ZPLD1: variants seen among roughly 807,000 people sequenced by gnomAD.
The protein encoded by ZPLD1 is zona pellucida-like domain-containing protein 1.
Under a neutral mutation model 47.2 loss-of-function variants are expected in ZPLD1, and 34 were observed. The ratio of observed to expected loss-of-function variants is 0.72; its 90% CI spans 0.55 to 0.96. ZPLD1 has a LOEUF of 0.96. ZPLD1 is among the 40% of genes least tolerant of loss of function. ZPLD1 has a pLI of 0.00. For synonymous variants in ZPLD1, 176 were observed against 186.2 expected, an observed-to-expected ratio of 0.95 and a Z score of 0.45; for missense variants, 512 against 505.8, an observed-to-expected ratio of 1.01 and a Z score of -0.12.
At chr3:102,459,815 G>T (rs1707478715) in intron 6 of ZPLD1, among the ~76,000 whole-genome samples, 1 of 151,942 alleles carries the variant, frequency 6.6e-6, no homozygotes, top group Non-Finnish European at 1.5e-5. Flanking sequence ...TGAAACATTT[G>T]TTACAATTAA....
intron 4 of ZPLD1, among the ~76,000 whole-genome samples, chr3:102,454,915 A>G (rs1226204696): frequency 6.6e-6 from 1 of 152,212 alleles, no homozygotes; most frequent in Non-Finnish European, 1.5e-5. Flanking sequence ...CATAGACAGA[A>G]TTGGTTGGTT....
chr3:102,416,629 A>G (rs557771804), intron 7 of ZPLD1, among the ~76,000 whole-genome samples: 2 of 152,084 alleles, frequency 1.3e-5, no homozygotes, highest in South Asian at 2.1e-4. Context: ...TAAATTACTT[A>G]TCTATTATTG....
At chr3:102,399,888 G>A (rs746526184) in intron 7 of ZPLD1, among the ~76,000 whole-genome samples, 23 of 151,696 alleles carry the variant, frequency 1.5e-4, no homozygotes, top group South Asian at 6.2e-4. Flanking sequence ...GTGTGATCTC[G>A]GTTCACTGCA....
chr3:102,398,874 G>GCA (rs2107289988), intron 7 of ZPLD1, among the ~76,000 whole-genome samples: 1 of 145,050 alleles, frequency 6.9e-6, no homozygotes, highest in East Asian at 2.0e-4. Context: ...TTATGCGTGC[G>GCA]CACGCACACA....
intron 8 of ZPLD1, among the ~76,000 whole-genome samples, chr3:102,421,082 A>G (rs572289413): frequency 6.6e-6 from 1 of 152,022 alleles, no homozygotes; most frequent in African/African-American, 2.4e-5. Flanking sequence ...TAACATTGTA[A>G]GTTCTTGAAT....
chr3:102,474,076 AT>A (rs1312067786), intron 10 of ZPLD1, among the ~76,000 whole-genome samples: 1 of 152,218 alleles, frequency 6.6e-6, no homozygotes, highest in Non-Finnish European at 1.5e-5. Context: ...ATGAAATCAA[AT>A]CCATTCTGGA....
At chr3:102,477,124 C>A (rs1707770278) in intron 11 of ZPLD1, 83 bp downstream of exon 11, 17 of 1,482,916 alleles carry the variant, frequency 1.1e-5, no homozygotes, top group Non-Finnish European at 1.5e-5. Context: ...GTGTAATGAG[C>A]TTGAGTTTTC....
intron 4 of ZPLD1, 55 bp from the exon 5 acceptor site, chr3:102,456,138 G>A: frequency 6.9e-7 from 1 of 1,448,498 alleles, no homozygotes; most frequent in Non-Finnish European, 9.4e-7. Context: ...CATATGAAGT[G>A]CCTAGATGTA....
intron 3 of ZPLD1, among the ~76,000 whole-genome samples, chr3:102,445,137 T>G (rs1429292120): frequency 2.0e-5 from 3 of 152,318 alleles, no homozygotes; most frequent in Middle Eastern, 3.4e-3. Context: ...CCTCCGGGTA[T>G]TAAACTGCTA....
rs780498785 is a variant in ZPLD1, at chr3:102,477,017, A to T, written c.1048A>T (p.Thr350Ser). 1.3e-5 allele frequency: 21 copies of T among 1,613,452 alleles called. No individual in the cohort carries two copies. In the South Asian group the frequency reaches 1.9e-4, roughly 14 times the overall value. ...TTTCTGTTTTTTCCCCTCAGATGAG[A>T]CTCCAACCAACAATTCGCAACTTGG... ...AGPIITRSDE[T>S]PTNNSQLGSP... The change falls in exon 11 of 12, where the codon ACT becomes TCT. Residue 350 changes from threonine to serine, a missense_variant. Coordinates refer to ENST00000466937, the MANE Select transcript of ZPLD1 (RefSeq NM_001329788.2).
intron 7 of ZPLD1, among the ~76,000 whole-genome samples, chr3:102,413,472 T>C (rs192518592): frequency 6.6e-6 from 1 of 151,988 alleles, no homozygotes; most frequent in African/African-American, 2.4e-5. Context: ...TGTATTTTAA[T>C]TTTTTAGAAA....
chr3:102,442,855 T>C (rs1017178181), intron 3 of ZPLD1, among the ~76,000 whole-genome samples: 4 of 152,190 alleles, frequency 2.6e-5, no homozygotes, highest in Admixed American at 6.6e-5. Context: ...AGGAATGCCA[T>C]TTAATTTTAG....
chr3:102,411,457 T>C (rs1425769624), intron 7 of ZPLD1, among the ~76,000 whole-genome samples: 1 of 151,824 alleles, frequency 6.6e-6, no homozygotes, highest in African/African-American at 2.4e-5. Flanking sequence ...ATTTATGCTT[T>C]GGAAAAACAA....
intron 3 of ZPLD1, among the ~76,000 whole-genome samples, chr3:102,451,735 G>A (rs1707338969): frequency 6.6e-6 from 1 of 152,142 alleles, no homozygotes; most frequent in Non-Finnish European, 1.5e-5. Flanking sequence ...AACCTTGGGT[G>A]TGCCTGGGCT....
chr3:102,415,062 T>C (rs73863607), intron 7 of ZPLD1, among the ~76,000 whole-genome samples: 8,917 of 151,908 alleles, frequency 0.059, 893 homozygotes, highest in African/African-American at 0.2. Context: ...ATTGTACTTA[T>C]GTATGAAGCT....
At chr3:102,420,945 T>C (rs1327684030) in intron 8 of ZPLD1, among the ~76,000 whole-genome samples, 2 of 151,918 alleles carry the variant, frequency 1.3e-5, no homozygotes, top group Non-Finnish European at 2.9e-5. Flanking sequence ...CTGTGAAAAA[T>C]ACAGATGCTA....
intron 7 of ZPLD1, among the ~76,000 whole-genome samples, chr3:102,415,164 A>C (rs1040064771): frequency 1.3e-5 from 2 of 151,850 alleles, no homozygotes; most frequent in African/African-American, 2.4e-5. Flanking sequence ...ACATAGAGCC[A>C]ATTTATTTGT....
Position 102,417,234 on chromosome 3 carries a change from G to A in ZPLD1, c.-156-826G>A, listed in dbSNP as rs1459975119. ...CCATCATTATTAAATGGCAGACGGA[G>A]TAATATAAATCAATACAAAAGGCTT... On this transcript the variant is annotated intron_variant, in intron 7 of 17. Coordinates refer to the ZPLD1 transcript ENST00000491959. Among the ~76,000 whole-genome samples the A allele has an allele frequency of 3.9e-5, 6 of 151,970 alleles. No individual in the cohort carries two copies. The East Asian group carries it at 9.7e-4, about 25-fold the overall frequency.
In ZPLD1 at chr3:102,457,958, G is replaced by A. The variant is rs1707445066; in HGVS notation, c.582+105G>A. Reference sequence around the variant, plus strand: ...ATCTACTGAAAGCCACATTAACCCTGTTATGCCTTGGTAACATTTATCTAT... The same window carrying A: ...ATCTACTGAAAGCCACATTAACCCTATTATGCCTTGGTAACATTTATCTAT... On this transcript the variant is annotated intron_variant, in intron 6 of 11. Coordinates refer to ENST00000466937, the MANE Select transcript of ZPLD1 (RefSeq NM_001329788.2). 36 of 1,021,814 alleles carry A rather than the reference G, an allele frequency of 3.5e-5. No individual in the cohort carries two copies. In the South Asian group the frequency reaches 5.3e-4, roughly 15 times the overall value. The allele number at this position is 1,021,814 out of a possible 1,614,324, so 63.3% of individuals were successfully genotyped here.
Sources: gnomAD v4.1 joint callset for allele counts (sites outside exome capture counted in the v4.1 genomes callset) on GRCh38, gnomAD v4.1.1 for gene constraint, MANE v1.5 for transcripts, NCBI Gene and HGNC (gene_info 2026-07-23, HGNC 2026-07-21) for gene names.